EVI5: variants seen among roughly 807,000 people sequenced by gnomAD.
The protein encoded by EVI5 is ecotropic viral integration site 5, also known as ecotropic viral integration site 5 protein homolog.
Under a neutral mutation model 112.0 loss-of-function variants are expected in EVI5, and 73 were observed. The observed-to-expected ratio is 0.65, with a 90% CI of 0.54 to 0.79. The LOEUF is 0.79. Ranked by LOEUF, EVI5 falls within the 30% of genes least tolerant of loss-of-function variation. The pLI is 0.00. For synonymous variants in EVI5, 305 were observed against 319.9 expected, an observed-to-expected ratio of 0.95 and a Z score of 0.50; for missense variants, 900 against 968.8, an observed-to-expected ratio of 0.93 and a Z score of 0.94.
At chr1:92,751,409 A>G (rs1032765303) in intron 1 of EVI5, among the ~76,000 whole-genome samples, 4 of 152,184 alleles carry the variant, frequency 2.6e-5, no homozygotes, top group African/African-American at 9.7e-5. Context: ...CACATGTGCT[A>G]TCAATCTTAT....
intron 2 of EVI5, among the ~76,000 whole-genome samples, chr1:92,710,257 C>T (rs12123935): frequency 0.58 from 87,377 of 151,286 alleles, 26,938 homozygotes; most frequent in East Asian, 0.92. Context: ...GTGGAAGAAT[C>T]GCCTGAGCCC....
intron 13 of EVI5, among the ~76,000 whole-genome samples, chr1:92,644,909 A>G (rs1660664805): frequency 6.6e-6 from 1 of 152,180 alleles, no homozygotes; most frequent in African/African-American, 2.4e-5. Flanking sequence ...AATTTGATAA[A>G]GTTCCTTTTA....
At chr1:92,613,004 G>C (rs558513535) in intron 16 of EVI5, among the ~76,000 whole-genome samples, 9 of 152,306 alleles carry the variant, frequency 5.9e-5, no homozygotes, top group Middle Eastern at 3.4e-3. Flanking sequence ...GGTGAGTCTT[G>C]AGAAAGAAAC....
At chr1:92,760,926 T>C (rs924041401) in intron 1 of EVI5, among the ~76,000 whole-genome samples, 11 of 150,594 alleles carry the variant, frequency 7.3e-5, no homozygotes, top group African/African-American at 1.2e-4. Flanking sequence ...GGCGTGGTGG[T>C]GGGCGCCTGT....
At chr1:92,636,029 A>G (rs1020304693) in intron 14 of EVI5, among the ~76,000 whole-genome samples, 173 bp downstream of exon 14, 1 of 152,208 alleles carries the variant, frequency 6.6e-6, no homozygotes, top group Non-Finnish European at 1.5e-5. Flanking sequence ...TGAAGGCAAC[A>G]AGGAATAACT....
At chr1:92,641,877 C>T (rs1406868849) in intron 13 of EVI5, among the ~76,000 whole-genome samples, 1 of 152,102 alleles carries the variant, frequency 6.6e-6, no homozygotes, top group African/African-American at 2.4e-5. Context: ...CGGTGGCTCA[C>T]GCCTGTAATC....
chr1:92,781,757 C>G (rs1431520164), intron 1 of EVI5, among the ~76,000 whole-genome samples: 2 of 151,734 alleles, frequency 1.3e-5, no homozygotes, highest in Non-Finnish European at 2.9e-5. Flanking sequence ...GAGTTCGAGA[C>G]CAGCCTATGC....
chr1:92,613,588 C>T (rs1652376618), intron 16 of EVI5, among the ~76,000 whole-genome samples: 1 of 151,978 alleles, frequency 6.6e-6, no homozygotes, highest in Non-Finnish European at 1.5e-5. Flanking sequence ...CCACGCCCAG[C>T]CATTTATTTT....
At chr1:92,684,706 A>C (rs1453844244) in intron 9 of EVI5, among the ~76,000 whole-genome samples, 1 of 152,126 alleles carries the variant, frequency 6.6e-6, no homozygotes, top group African/African-American at 2.4e-5. Context: ...GGATGGAGGA[A>C]GATCTACCAA....
intron 16 of EVI5, among the ~76,000 whole-genome samples, chr1:92,619,778 T>A (rs1261337298): frequency 6.6e-6 from 1 of 151,476 alleles, no homozygotes; most frequent in Admixed American, 6.6e-5. Context: ...TTTTTTTTTG[T>A]TAAAGAAAAG....
chr1:92,766,976 G>C (rs1234184060), intron 1 of EVI5, among the ~76,000 whole-genome samples: 1 of 151,560 alleles, frequency 6.6e-6, no homozygotes, highest in Non-Finnish European at 1.5e-5. Context: ...CAGCGACTCG[G>C]GAGGCTGAGG....
chr1:92,556,627 A>G (rs1020815307), intron 19 of EVI5, among the ~76,000 whole-genome samples: 9 of 152,168 alleles, frequency 5.9e-5, no homozygotes, highest in African/African-American at 2.2e-4. Flanking sequence ...TCTGATTGTT[A>G]AAGTTCCTTA....
chr1:92,551,040 C>CTTTTT (rs55898086), intron 19 of EVI5, among the ~76,000 whole-genome samples: 963 of 80,672 alleles, frequency 0.012, 28 homozygotes, highest in East Asian at 0.022. Flanking sequence ...TTCTTTCTTT[C>CTTTTT]TTTTTTTTTT....
At chr1:92,790,036 G>T (rs1188396397), upstream of EVI5, among the ~76,000 whole-genome samples, 1 of 152,138 alleles carries the variant, frequency 6.6e-6, no homozygotes, top group Non-Finnish European at 1.5e-5. Context: ...ATTAAGCCAG[G>T]CATGGTGGCT....
intron 19 of EVI5, among the ~76,000 whole-genome samples, chr1:92,528,975 A>G (rs919643752): frequency 6.6e-6 from 1 of 152,198 alleles, no homozygotes; most frequent in African/African-American, 2.4e-5. Context: ...AGTCTAAGAA[A>G]TAATATCTAT....
chr1:92,614,586 AAAAGG>A (rs1652603400), intron 16 of EVI5, among the ~76,000 whole-genome samples: 3 of 151,890 alleles, frequency 2.0e-5, no homozygotes. Context: ...GAAAAATGTG[AAAAGG>A]AGATACTGGC....
chr1:92,610,369 C>A (rs1651474422), intron 16 of EVI5, among the ~76,000 whole-genome samples: 1 of 152,072 alleles, frequency 6.6e-6, no homozygotes, highest in Non-Finnish European at 1.5e-5. Context: ...TAGATAAAAC[C>A]CTTCCCTGCA....
intron 5 of EVI5, among the ~76,000 whole-genome samples, chr1:92,701,868 A>G (rs981954496): frequency 1.3e-5 from 2 of 149,576 alleles, no homozygotes; most frequent in Middle Eastern, 3.4e-3. Context: ...AACAAATAAG[A>G]TTTTAAACTA....
intron 16 of EVI5, among the ~76,000 whole-genome samples, chr1:92,609,860 T>C (rs966023929): frequency 1.4e-5 from 2 of 142,882 alleles, no homozygotes; most frequent in Non-Finnish European, 3.2e-5. Flanking sequence ...CTAGTCGTTC[T>C]CATTCTCTCT....
Sources: allele counts gnomAD v4.1 joint callset (sites outside exome capture counted in the v4.1 genomes callset), GRCh38; gene constraint gnomAD v4.1.1; transcripts MANE v1.5; gene names NCBI Gene and HGNC (gene_info 2026-07-23, HGNC 2026-07-21).